ATG4C: variants seen among roughly 807,000 people sequenced by gnomAD.
ATG4C encodes the protein autophagy related 4C cysteine peptidase, also known as cysteine protease ATG4C.
A neutral mutation model predicts 57.6 loss-of-function variants in ATG4C; 56 were observed. The ratio of observed to expected loss-of-function variants is 0.97; its 90% CI spans 0.78 to 1.21. The LOEUF is 1.21. ATG4C is among the 50% of genes most tolerant of loss of function. The pLI is 0.00. For synonymous variants in ATG4C, 157 were observed against 174.1 expected, an observed-to-expected ratio of 0.90 and a Z score of 0.78; for missense variants, 595 against 529.8, an observed-to-expected ratio of 1.12 and a Z score of -1.21.
At chr1:62,806,704 T>C (rs559454275) in intron 3 of ATG4C, among the ~76,000 whole-genome samples, 35 of 152,306 alleles carry the variant, frequency 2.3e-4, no homozygotes, top group African/African-American at 8.4e-4. Context: ...CCGGAGGCTG[T>C]ATGTCCATTG....
chr1:62,831,884 G>A (rs1665853653), intron 7 of ATG4C, among the ~76,000 whole-genome samples: 1 of 152,172 alleles, frequency 6.6e-6, no homozygotes, highest in South Asian at 2.1e-4. Context: ...CCGTTACTTA[G>A]AACCATTCAT....
At chr1:62,847,235 C>CAA (rs1315452441) in intron 10 of ATG4C, among the ~76,000 whole-genome samples, 2 of 151,790 alleles carry the variant, frequency 1.3e-5, no homozygotes, top group Non-Finnish European at 1.5e-5. Context: ...AAATAAAAAA[C>CAA]AGAAACCATA....
chr1:62,834,222 C>A, intron 8 of ATG4C, 106 bp downstream of exon 8: 1 of 958,980 alleles, frequency 1.0e-6, no homozygotes, highest in Non-Finnish European at 1.6e-6. Flanking sequence ...AAAACGAGTA[C>A]CTTATACATT....
chr1:62,800,781 A>G (rs1572101178), intron 1 of ATG4C, among the ~76,000 whole-genome samples: 1 of 152,190 alleles, frequency 6.6e-6, no homozygotes, highest in East Asian at 1.9e-4. Flanking sequence ...ATTCTGTGCC[A>G]GGCAGAATTT....
intron 1 of ATG4C, among the ~76,000 whole-genome samples, chr1:62,795,015 G>A (rs1435151345): frequency 6.6e-6 from 1 of 152,146 alleles, no homozygotes; most frequent in Non-Finnish European, 1.5e-5. Flanking sequence ...ATAGCTAAAA[G>A]CACATCCAAA....
At chr1:62,813,104 A>G (rs1159025155) in intron 3 of ATG4C, among the ~76,000 whole-genome samples, 5 of 152,238 alleles carry the variant, frequency 3.3e-5, no homozygotes, top group African/African-American at 1.2e-4. Context: ...CTTTCTTCAC[A>G]GAATTGGAAA....
chr1:62,801,585 G>A (rs1222888862), intron 1 of ATG4C, among the ~76,000 whole-genome samples: 1 of 151,356 alleles, frequency 6.6e-6, no homozygotes, highest in Non-Finnish European at 1.5e-5. Flanking sequence ...AGCCTGCTGG[G>A]AGGCGGAGAT....
chr1:62,856,443 A>G (rs1293416263), intron 10 of ATG4C, among the ~76,000 whole-genome samples: 2 of 152,242 alleles, frequency 1.3e-5, no homozygotes, highest in African/African-American at 4.8e-5. Context: ...AAGCCAACAC[A>G]TTAGATGCCA....
chr1:62,826,521 C>T (rs1465068381), intron 6 of ATG4C, among the ~76,000 whole-genome samples: 1 of 152,146 alleles, frequency 6.6e-6, no homozygotes, highest in Non-Finnish European at 1.5e-5. Context: ...CAGGCGTGAG[C>T]TACCACGCCC....
At chr1:62,795,125 A>G (rs891102702) in intron 1 of ATG4C, among the ~76,000 whole-genome samples, 1 of 152,216 alleles carries the variant, frequency 6.6e-6, no homozygotes, top group African/African-American at 2.4e-5. Context: ...GTTTTTACCC[A>G]TTGCACTATG....
chr1:62,855,159 C>A lies in ATG4C; in HGVS notation c.1210-8833C>A, dbSNP rs183104315. Among the ~76,000 whole-genome samples, 137 of 152,122 alleles carry A rather than the reference C, an allele frequency of 9.0e-4. 1 individual carries two copies. The highest frequency in any genetic ancestry group is 9.8e-4 in the Admixed American group (15 of 15,274). The stretch of plus-strand genomic sequence containing the variant: ...CCTTGTTTTTAGTTTTGGGTCTCAC[C>A]TCTGCTTTCCATGACGTCTTTGGCC... On this transcript the variant is annotated intron_variant, in intron 10 of 10. Coordinates refer to ENST00000317868, the MANE Select transcript of ATG4C (RefSeq NM_032852.4).
intron 1 of ATG4C, among the ~76,000 whole-genome samples, chr1:62,803,235 ATAAT>A (rs1370246741): frequency 6.6e-6 from 1 of 152,230 alleles, no homozygotes; most frequent in Non-Finnish European, 1.5e-5. Context: ...ACAAAACAAA[ATAAT>A]TAGACTTTAT....
intron 9 of ATG4C, among the ~76,000 whole-genome samples, chr1:62,836,570 A>C (rs750467517): frequency 4.6e-5 from 7 of 152,036 alleles, no homozygotes; most frequent in Non-Finnish European, 1.0e-4. Flanking sequence ...TCATCTTTTA[A>C]GTTTATAATA....
chr1:62,831,116 C>T (rs545759315), intron 7 of ATG4C, among the ~76,000 whole-genome samples: 21 of 152,140 alleles, frequency 1.4e-4, no homozygotes, highest in South Asian at 6.2e-4. Flanking sequence ...TGATTTACAC[C>T]GTAGTCCACT....
At chr1:62,799,948 C>T (rs922226631) in intron 1 of ATG4C, among the ~76,000 whole-genome samples, 2 of 151,630 alleles carry the variant, frequency 1.3e-5, no homozygotes, top group Non-Finnish European at 2.9e-5. Flanking sequence ...CCGCTGGTAA[C>T]CATCCTTCCA....
intron 10 of ATG4C, among the ~76,000 whole-genome samples, chr1:62,856,729 G>T (rs1666695238): frequency 6.6e-6 from 1 of 152,182 alleles, no homozygotes; most frequent in Non-Finnish European, 1.5e-5. Context: ...GTTGTCAGTG[G>T]AACTTGGACT....
chr1:62,800,611 A>G (rs902110089), intron 1 of ATG4C, among the ~76,000 whole-genome samples: 1 of 152,200 alleles, frequency 6.6e-6, no homozygotes, highest in African/African-American at 2.4e-5. Flanking sequence ...AGATTTTGCT[A>G]AATTATGTAT....
intron 3 of ATG4C, among the ~76,000 whole-genome samples, chr1:62,808,668 A>G (rs1439977778): frequency 6.6e-6 from 1 of 152,242 alleles, no homozygotes; most frequent in Non-Finnish European, 1.5e-5. Flanking sequence ...TACAAAGTGT[A>G]TAAATGCTTA....
At chr1:62,858,680 TA>T (rs1666758823) in intron 10 of ATG4C, among the ~76,000 whole-genome samples, 1 of 152,150 alleles carries the variant, frequency 6.6e-6, no homozygotes, top group Non-Finnish European at 1.5e-5. Flanking sequence ...AATGGTATTT[TA>T]AGAAAGAAAT....
Sources: gnomAD v4.1 joint callset for allele counts (sites outside exome capture counted in the v4.1 genomes callset) on GRCh38, gnomAD v4.1.1 for gene constraint, MANE v1.5 for transcripts, NCBI Gene and HGNC (gene_info 2026-07-23, HGNC 2026-07-21) for gene names.